SCN8A: variants seen among roughly 807,000 people sequenced by gnomAD.
SCN8A encodes sodium voltage-gated channel alpha subunit 8, also known as sodium channel protein type 8 subunit alpha.
Under a neutral mutation model 184.1 loss-of-function variants are expected in SCN8A, and 30 were observed. That is an observed-to-expected ratio of 0.16 (90% CI 0.12 to 0.22). SCN8A has a LOEUF of 0.22. Ranked by LOEUF, SCN8A falls within the 10% of genes least tolerant of loss-of-function variation. The probability of loss-of-function intolerance (pLI) is 1.00; values close to 1 mark genes in which losing one functional copy is unlikely to be tolerated. For missense variants in SCN8A, 1,057 were observed against 2,498.9 expected, an observed-to-expected ratio of 0.42 and a Z score of 12.30; for synonymous variants, 852 against 907.0, an observed-to-expected ratio of 0.94 and a Z score of 1.09.
Position 51,702,638 on chromosome 12 carries a change from T to G in SCN8A, c.993-135T>G. 1.9e-5 allele frequency: 13 copies of G among 675,998 alleles called. 1 individual carries two copies. Among genetic ancestry groups the G allele is most frequent in the Non-Finnish European group, 2.6e-5 (12 of 458,236 alleles). 41.9% of individuals were successfully genotyped at this position (675,998 alleles called of 1,614,324 possible). ...CCTTCTTCTTTTTCTTCTAATTTGT[T>G]GGCCTGGCTCTATCAATGGTTATTT... On this transcript the variant is annotated intron_variant, in intron 8 of 26. Coordinates refer to ENST00000627620, the MANE Select transcript of SCN8A (RefSeq NM_001330260.2).
intron 2 of SCN8A, among the ~76,000 whole-genome samples, chr12:51,679,096 A>AAAT (rs1210216657): frequency 6.6e-5 from 10 of 150,516 alleles, no homozygotes; most frequent in African/African-American, 2.0e-4. Context: ...AAAAAAATAA[A>AAAT]AAAAAATAAA....
intron 13 of SCN8A, among the ~76,000 whole-genome samples, chr12:51,749,070 C>G (rs1340692428): frequency 6.6e-6 from 1 of 152,200 alleles, no homozygotes; most frequent in East Asian, 1.9e-4. Flanking sequence ...CCCATTCCCC[C>G]AAGCCAAATA....
At chr12:51,674,971 GC>G (rs1297655230) in intron 2 of SCN8A, among the ~76,000 whole-genome samples, 1 of 152,172 alleles carries the variant, frequency 6.6e-6, no homozygotes. Context: ...AAACCACTCT[GC>G]TTTGCTGCTT....
At chr12:51,735,176 T>C (rs1270706939) in intron 12 of SCN8A, among the ~76,000 whole-genome samples, 1 of 152,228 alleles carries the variant, frequency 6.6e-6, no homozygotes, top group Non-Finnish European at 1.5e-5. Flanking sequence ...ATAGGAACTT[T>C]TGCCGTACTT....
chr12:51,810,222 G>A lies in SCN8A; in HGVS notation c.*2793G>A, dbSNP rs1938845291. The A allele has an allele frequency of 4.2e-6, 1 of 239,386 alleles. No individual in the cohort carries two copies. The highest frequency in any genetic ancestry group is 8.6e-6 in the Non-Finnish European group (1 of 116,102). 14.8% of individuals were successfully genotyped at this position (239,386 alleles called of 1,614,324 possible). A position where few individuals can be genotyped will look rare whatever the true frequency, so the allele number is the denominator to read the frequency against. ...CATCAGCCAGCCTCATAGGAAAGAA[G>A]CCACCTCCGCTGTATTTGAAGTTTC... On this transcript the variant is annotated 3_prime_UTR_variant, in exon 27 of 27. Coordinates refer to ENST00000627620, the MANE Select transcript of SCN8A (RefSeq NM_001330260.2).
intron 20 of SCN8A, among the ~76,000 whole-genome samples, chr12:51,775,758 C>T (rs937026451): frequency 6.6e-6 from 1 of 152,170 alleles, no homozygotes; most frequent in Non-Finnish European, 1.5e-5. Context: ...CACAATAGCT[C>T]CTCAGGACTA....
At chr12:51,679,352 G>GT (rs1380959156) in intron 2 of SCN8A, among the ~76,000 whole-genome samples, 7 of 152,238 alleles carry the variant, frequency 4.6e-5, no homozygotes, top group Admixed American at 4.6e-4. Context: ...GGGCAGATCA[G>GT]TTTTGCCATC....
intron 3 of SCN8A, among the ~76,000 whole-genome samples, chr12:51,684,551 C>T (rs1364882058): frequency 1.3e-5 from 2 of 152,028 alleles, no homozygotes; most frequent in African/African-American, 2.4e-5. Flanking sequence ...TTAAAATAAC[C>T]TTTGTTGAAG....
rs140398950 is a variant in SCN8A at position 51,728,802 on chromosome 12, T to G, written c.1998+6894T>G. Among the ~76,000 whole-genome samples, 490 of 151,566 alleles carry G rather than the reference T, an allele frequency of 3.2e-3. 1 individual carries two copies. Among genetic ancestry groups the G allele is most frequent in the South Asian group, 6.3e-3 (30 of 4,776 alleles). ...TCATAACTGACAGCTTTCCTTAATT[T>G]TTGTTCCCATTTTCAACTTAGATTC... On this transcript the variant is annotated intron_variant, in intron 12 of 26. Coordinates refer to ENST00000627620, the MANE Select transcript of SCN8A (RefSeq NM_001330260.2).
Position 51,657,986 on chromosome 12 carries a change from A to G in SCN8A, c.-54-4778A>G, listed in dbSNP as rs371692702. Among the ~76,000 whole-genome samples the G allele has an allele frequency of 1.1e-4, 16 of 152,110 alleles. No homozygotes were observed. The South Asian group carries it at 1.7e-3, about 16-fold the overall frequency. ...TTTCCATTGGTCTGTGTGTCTTTTT[A>G]TGCTAATACCATGTTGTTCTGGATA... On this transcript the variant is annotated intron_variant, in intron 1 of 26. Transcript: ENST00000627620.
At chr12:51,752,103 C>G (rs1233063522) in intron 14 of SCN8A, among the ~76,000 whole-genome samples, 1 of 152,088 alleles carries the variant, frequency 6.6e-6, no homozygotes, top group Non-Finnish European at 1.5e-5. Flanking sequence ...TGGTTTCCCC[C>G]TCCAATCCAA....
At chr12:51,671,505 G>A (rs1337246942) in intron 2 of SCN8A, among the ~76,000 whole-genome samples, 1 of 152,172 alleles carries the variant, frequency 6.6e-6, no homozygotes, top group Non-Finnish European at 1.5e-5. Flanking sequence ...TTAGGAATTA[G>A]TTTCTGTTGG....
intron 1 of SCN8A, among the ~76,000 whole-genome samples, chr12:51,593,124 A>G (rs189261257): frequency 2.1e-4 from 32 of 152,262 alleles, no homozygotes; most frequent in African/African-American, 7.7e-4. Flanking sequence ...TTTGGAGCTC[A>G]TGACCCATAA....
intron 6 of SCN8A, among the ~76,000 whole-genome samples, chr12:51,696,477 C>T (rs1157559059): frequency 6.6e-6 from 1 of 152,202 alleles, no homozygotes; most frequent in Non-Finnish European, 1.5e-5. Context: ...TGGCTGCCTT[C>T]TACTTTATTC....
intron 12 of SCN8A, among the ~76,000 whole-genome samples, chr12:51,725,335 T>G (rs923155788): frequency 6.6e-6 from 1 of 152,164 alleles, no homozygotes. Context: ...AAAGACAAAC[T>G]ACATAGAGAA....
chr12:51,640,372 A>G (rs888253822), intron 1 of SCN8A, among the ~76,000 whole-genome samples: 2 of 151,454 alleles, frequency 1.3e-5, no homozygotes, highest in Non-Finnish European at 2.9e-5. Context: ...CTTTATTGTG[A>G]TGGTCTGCAA....
At chr12:51,766,149 C>A in intron 16 of SCN8A, 122 bp downstream of exon 16, 1 of 831,760 alleles carries the variant, frequency 1.2e-6, no homozygotes. Context: ...GATTTTTATT[C>A]TTTCTTGGCC....
At chr12:51,668,884 G>A (rs1019889946) in intron 2 of SCN8A, among the ~76,000 whole-genome samples, 4 of 152,134 alleles carry the variant, frequency 2.6e-5, no homozygotes, top group East Asian at 1.9e-4. Context: ...ATGGGGGTAC[G>A]TTCTGAGAAA....
At chr12:51,778,766 G>A (rs1937792454) in intron 20 of SCN8A, among the ~76,000 whole-genome samples, 1 of 152,062 alleles carries the variant, frequency 6.6e-6, no homozygotes, top group Non-Finnish European at 1.5e-5. Flanking sequence ...AAACTAATTT[G>A]TAGATTGTTT....
Sources: gnomAD v4.1 joint callset for allele counts (sites outside exome capture counted in the v4.1 genomes callset) on GRCh38, gnomAD v4.1.1 for gene constraint, MANE v1.5 for transcripts, NCBI Gene and HGNC (gene_info 2026-07-23, HGNC 2026-07-21) for gene names.